DLGAP1: variants seen among roughly 807,000 people sequenced by gnomAD.
DLGAP1 encodes DLG associated protein 1, also known as disks large-associated protein 1.
DLGAP1 carries 11 observed loss-of-function variants against 90.8 expected under a neutral mutation model. The observed-to-expected ratio is 0.12, with a 90% confidence interval of 0.08 to 0.20. DLGAP1 has a LOEUF of 0.20. DLGAP1 is among the 10% of genes least tolerant of loss of function. DLGAP1 has a pLI of 1.00. For missense variants in DLGAP1, 1,050 were observed against 1,333.8 expected (o/e 0.79, Z 3.31); for synonymous variants, 558 against 540.7 (o/e 1.03, Z -0.44).
At chr18:3,666,105 A>G (rs995769313) in intron 7 of DLGAP1, among the ~76,000 whole-genome samples, 6 of 152,206 alleles carry the variant, frequency 3.9e-5, no homozygotes, top group African/African-American at 1.4e-4. Flanking sequence ...AGGACGCAAC[A>G]GAGTCCTAAC....
intron 8 of DLGAP1, among the ~76,000 whole-genome samples, chr18:3,568,224 A>T (rs1411765162): frequency 6.6e-6 from 1 of 152,166 alleles, no homozygotes; most frequent in Non-Finnish European, 1.5e-5. Flanking sequence ...TGAAGATAAC[A>T]ACATACAAAA....
chr18:4,211,629 G>T (rs992152217), intron 1 of DLGAP1, among the ~76,000 whole-genome samples: 1 of 152,068 alleles, frequency 6.6e-6, no homozygotes, highest in Non-Finnish European at 1.5e-5. Context: ...CTAATGAAAG[G>T]GTTTGATGGT....
chr18:3,900,495 A>G (rs923714689), intron 3 of DLGAP1, among the ~76,000 whole-genome samples: 1 of 152,240 alleles, frequency 6.6e-6, no homozygotes, highest in East Asian at 1.9e-4. Context: ...ATTCTTTAAC[A>G]GTCAGACTTG....
Position 3,745,946 on chromosome 18 carries a change from C to T in DLGAP1, c.1173-3434G>A, listed in dbSNP as rs138158364. 1.1e-3 allele frequency among the ~76,000 whole-genome samples: 164 copies of T among 152,288 alleles called. 2 individuals are homozygous for T. Among genetic ancestry groups the T allele is most frequent in the African/African-American group, 3.8e-3 (159 of 41,568 alleles). On this transcript the variant is annotated intron_variant, in intron 5 of 12. Transcript: ENST00000315677. ...TCAAGGGATCTGCCCACCTTGGCCT[C>T]CCCAAGTGCTGGGATTACAGGAGTG...
intron 1 of DLGAP1, among the ~76,000 whole-genome samples, chr18:4,173,816 C>A (rs188883148): frequency 1.3e-5 from 2 of 152,224 alleles, no homozygotes; most frequent in African/African-American, 4.8e-5. Flanking sequence ...AGAGCTTGTC[C>A]CCTGACAAAG....
chr18:3,602,412 A>ATG (rs1568283521), intron 7 of DLGAP1, among the ~76,000 whole-genome samples: 4 of 151,922 alleles, frequency 2.6e-5, no homozygotes, highest in African/African-American at 9.7e-5. Flanking sequence ...TGGCTAAGAC[A>ATG]GTGAAACCCC....
intron 4 of DLGAP1, among the ~76,000 whole-genome samples, chr18:3,848,315 G>A (rs910469915): frequency 1.3e-5 from 2 of 151,848 alleles, no homozygotes; most frequent in Non-Finnish European, 2.9e-5. Flanking sequence ...GGAGGGAGGA[G>A]AAGGACAAAT....
chr18:4,390,935 G>A (rs1176454894), intron 1 of DLGAP1, among the ~76,000 whole-genome samples: 1 of 152,174 alleles, frequency 6.6e-6, no homozygotes, highest in African/African-American at 2.4e-5. Flanking sequence ...TGCTCCATCA[G>A]CCTGCGCTCA....
intron 4 of DLGAP1, among the ~76,000 whole-genome samples, chr18:3,865,684 A>G (rs2070340672): frequency 6.6e-6 from 1 of 152,240 alleles, no homozygotes; most frequent in Non-Finnish European, 1.5e-5. Flanking sequence ...CAGACAGGCC[A>G]GAGTTTAAAT....
intron 7 of DLGAP1, among the ~76,000 whole-genome samples, chr18:3,676,890 C>G (rs1473577715): frequency 6.6e-6 from 1 of 152,170 alleles, no homozygotes; most frequent in Non-Finnish European, 1.5e-5. Context: ...TGAATGCAAT[C>G]AATGTTCTCA....
intron 7 of DLGAP1, among the ~76,000 whole-genome samples, chr18:3,700,143 C>T (rs893146531): frequency 1.3e-5 from 2 of 152,146 alleles, no homozygotes; most frequent in Non-Finnish European, 2.9e-5. Context: ...GATTCTGTCT[C>T]GCTGGTGTTC....
intron 1 of DLGAP1, among the ~76,000 whole-genome samples, chr18:4,407,617 G>A (rs934909855): frequency 6.6e-6 from 1 of 151,996 alleles, no homozygotes; most frequent in Non-Finnish European, 1.5e-5. Flanking sequence ...GCTGGCTCAC[G>A]CCTGTAATCC....
At chr18:3,797,983 C>T (rs924568049) in intron 5 of DLGAP1, among the ~76,000 whole-genome samples, 8 of 152,180 alleles carry the variant, frequency 5.3e-5, no homozygotes, top group African/African-American at 1.9e-4. Flanking sequence ...ACCCCTATCG[C>T]TTGGCTCTCA....
intron 1 of DLGAP1, among the ~76,000 whole-genome samples, chr18:4,238,726 A>G (rs2078469361): frequency 6.6e-6 from 1 of 152,208 alleles, no homozygotes; most frequent in South Asian, 2.1e-4. Flanking sequence ...CTTTCAGGTT[A>G]CTGAAAGCAA....
chr18:3,605,888 G>A (rs1158766964), intron 7 of DLGAP1, among the ~76,000 whole-genome samples: 1 of 152,106 alleles, frequency 6.6e-6, no homozygotes, highest in Non-Finnish European at 1.5e-5. Flanking sequence ...AAAGTTTACC[G>A]AGGACACTGA....
chr18:4,126,107 C>T (rs1003769495), intron 2 of DLGAP1, among the ~76,000 whole-genome samples: 3 of 152,144 alleles, frequency 2.0e-5, no homozygotes, highest in African/African-American at 7.2e-5. Flanking sequence ...AGCACCTGGC[C>T]AAGGCAGCCT....
intron 1 of DLGAP1, among the ~76,000 whole-genome samples, chr18:4,166,719 C>T (rs1404089582): frequency 6.6e-6 from 1 of 152,124 alleles, no homozygotes; most frequent in Non-Finnish European, 1.5e-5. Flanking sequence ...TATTATCCAG[C>T]CTTATGAAAT....
chr18:4,300,533 A>AT (rs1470555773), intron 1 of DLGAP1, among the ~76,000 whole-genome samples: 1 of 152,042 alleles, frequency 6.6e-6, no homozygotes, highest in East Asian at 1.9e-4. Flanking sequence ...TACTCTAGAA[A>AT]TTTTTTTATA....
At chr18:4,014,964 C>T (rs60369633) in intron 2 of DLGAP1, among the ~76,000 whole-genome samples, 384 of 152,214 alleles carry the variant, frequency 2.5e-3, no homozygotes, top group African/African-American at 8.7e-3. Flanking sequence ...TCATATGGCC[C>T]TGCCTTTTAT....
Sources: gnomAD v4.1 joint callset for allele counts (sites outside exome capture counted in the v4.1 genomes callset) on GRCh38, gnomAD v4.1.1 for gene constraint, MANE v1.5 for transcripts, NCBI Gene and HGNC (gene_info 2026-07-23, HGNC 2026-07-21) for gene names.